The following LILRB2 variants were observed in gnomAD, a reference collection of about 807,000 sequenced individuals.
LILRB2 encodes the protein leukocyte immunoglobulin like receptor B2.
In LILRB2, 47 loss-of-function variants were observed where a neutral mutation model predicts 72.7. The ratio of observed to expected loss-of-function variants is 0.65; its 90% CI spans 0.51 to 0.82. The LOEUF is 0.82. LILRB2 is among the 40% of genes least tolerant of loss of function. The pLI is 0.00. For synonymous variants in LILRB2, 279 were observed against 313.7 expected (o/e 0.89, Z 1.17); for missense variants, 767 against 764.8 (o/e 1.00, Z -0.03).
rs765403876 is a variant in LILRB2, at chr19:54,278,587, G to A, written c.956-25C>T. ...CCTGGAGAGAAGAAGGATGGGTGAG[G>A]GGCTGCCCCACCTTGCTCTGAGCTG... On this transcript the variant is annotated intron_variant, in intron 6 of 13. Transcript: ENST00000314446. The A allele has an allele frequency of 3.5e-5, 57 of 1,611,642 alleles. No homozygotes were observed. In the Admixed American group the frequency reaches 6.3e-4, roughly 18 times the overall value.
In LILRB2 at chr19:54,279,514, G is replaced by A. The variant is rs747009048; in HGVS notation, c.489C>T (p.His163=). 1.9e-6 allele frequency: 3 copies of A among 1,614,112 alleles called. No homozygotes were observed. Among genetic ancestry groups the A allele is most frequent in the Non-Finnish European group, 1.7e-6 (2 of 1,180,010 alleles). Residue 163 remains histidine (H), a synonymous_variant, in exon 5 of 14, where the codon CAC becomes CAT. Coordinates refer to ENST00000314446, the MANE Select transcript of LILRB2 (RefSeq NM_001080978.4). ...GGGGCTGGGAGTTCAGGCATTGTGG[G>A]TGTTCATCTTCTCCTTCCTTACACA... ...FILCKEGEDE[H]PQCLNSQPHA...
chr19:54,280,157 C>T (rs1174454210), intron 3 of LILRB2, 82 bp from the exon 4 acceptor site: 57 of 1,608,994 alleles, frequency 3.5e-5, no homozygotes, highest in Non-Finnish European at 4.6e-5. Flanking sequence ...CTCCAGATGC[C>T]CCCATCAGTC....
At position 54,279,894 on chromosome 19, in the gene LILRB2, G is replaced by A. The variant is rs772954757; in HGVS notation, c.252C>T (p.His84=). 2 of 1,614,150 alleles carry A rather than the reference G, an allele frequency of 1.2e-6. No individual in the cohort carries two copies. Among genetic ancestry groups the A allele is most frequent in the Non-Finnish European group, 1.7e-6 (2 of 1,180,016 alleles). ...RPELVKNGQF[H]IPSITWEHTG... ...TGTGTTCCCAGGTGATGGATGGGAT[G>A]TGGAACTGGCCGTTCTTCACAAGCT... The change falls in exon 4 of 14, where the codon CAC becomes CAT. Residue 84 remains histidine (H), a synonymous_variant. Transcript: ENST00000314446.
chr19:54,278,139 T>A, intron 7 of LILRB2, 121 bp downstream of exon 7: 1 of 1,369,048 alleles, frequency 7.3e-7, no homozygotes, highest in South Asian at 1.4e-5. Flanking sequence ...TGAGGGTGAG[T>A]CTCCCACTGG....
intron 10 of LILRB2, 140 bp downstream of exon 10, chr19:54,276,667 T>C: frequency 6.7e-7 from 1 of 1,490,368 alleles, no homozygotes. Context: ...GGACTGACGT[T>C]AAGTGCTTTC....
Position 54,279,417 on chromosome 19 carries a change from A to T in LILRB2, c.586T>A (p.Cys196Ser), listed in dbSNP as rs199599364. 287 of 1,613,792 alleles carry T rather than the reference A, an allele frequency of 1.8e-4. No individual in the cohort carries two copies. Among genetic ancestry groups the T allele is most frequent in the Non-Finnish European group, 2.4e-4 (279 of 1,179,974 alleles). The change falls in exon 5 of 14, where the codon TGC becomes AGC. Residue 196 changes from cysteine to serine, a missense_variant. Coordinates refer to ENST00000314446, the MANE Select transcript of LILRB2 (RefSeq NM_001080978.4). Reference protein sequence around the residue: ...VSPNRRWSHRCYGYDLNSPYV... With the variant: ...VSPNRRWSHRSYGYDLNSPYV... ...GGAGAGTTCAAGTCATAACCATAGCACCTGTGCGACCACCTGCGATTCGGG... is the reference window on the plus strand; with the variant it reads ...GGAGAGTTCAAGTCATAACCATAGCTCCTGTGCGACCACCTGCGATTCGGG...
chr19:54,278,145 A>G, intron 7 of LILRB2, 115 bp downstream of exon 7: 1 of 1,417,358 alleles, frequency 7.1e-7, no homozygotes, highest in Non-Finnish European at 9.6e-7. Context: ...TGAGTCTCCC[A>G]CTGGCTGAGC....
chr19:54,277,109 C>T (rs1201012728), intron 9 of LILRB2, 180 bp from the exon 10 acceptor site: 2 of 1,498,962 alleles, frequency 1.3e-6, no homozygotes, highest in Non-Finnish European at 1.8e-6. Context: ...GGGGAATCGC[C>T]TGCCCCGGGC....
At chr19:54,275,354 T>C (rs372175011) in intron 13 of LILRB2, 6,645 of 521,880 alleles carry the variant, frequency 0.013, 184 homozygotes, top group South Asian at 0.058. Context: ...GCTCGTCCAT[T>C]AGAGGATCGT....
Position 54,279,452 on chromosome 19 carries a change from C to T in LILRB2, c.551G>A (p.Gly184Asp), listed in dbSNP as rs749026160. Residue 184 changes from glycine to aspartate, a missense_variant, in exon 5 of 14, where the codon GGC becomes GAC. Gly to Asp is a moderately conservative substitution (Grantham distance 94, BLOSUM62 -1). This residue lies in a region of LILRB2 where 599 missense variants were observed against 568.2 expected (regional missense o/e 1.05). Transcript: ENST00000314446. Reference sequence around the variant, plus strand: ...CCACCTGCGATTCGGGCTCACGGGGCCCACGGAGAAGATGGCGCGGGACGA... The same window carrying T: ...CCACCTGCGATTCGGGCTCACGGGGTCCACGGAGAAGATGGCGCGGGACGA... ...RGSSRAIFSV[G>D]PVSPNRRWSH... The T allele has an allele frequency of 1.2e-6, 2 of 1,614,188 alleles. No homozygotes were observed. The highest frequency in any genetic ancestry group is 2.2e-5 in the South Asian group (2 of 91,084).
chr19:54,276,773 G>A (rs374601999), intron 10 of LILRB2, 34 bp downstream of exon 10: 13 of 1,603,540 alleles, frequency 8.1e-6, no homozygotes, highest in African/African-American at 2.7e-5. Flanking sequence ...GCCCACCCTC[G>A]GTCGGCCCAC....
rs1569111742 is a variant in LILRB2, at chr19:54,280,311, T to C, written c.35-12A>G. The C allele has an allele frequency of 4.3e-6, 7 of 1,613,954 alleles. No individual in the cohort carries two copies. Among genetic ancestry groups the C allele is most frequent in the Admixed American group, 3.3e-5 (2 of 60,020 alleles). ...GCCCAGACTCAGCCCTGGAAGAGAG[T>C]TCCCTGTGAGGGATTTGCCCCCTGA... On this transcript the variant is annotated splice_polypyrimidine_tract_variant and intron_variant, in intron 2 of 13. Coordinates refer to ENST00000314446, the MANE Select transcript of LILRB2 (RefSeq NM_001080978.4).
chr19:54,275,664 C>A, intron 13 of LILRB2: 3 of 576,098 alleles, frequency 5.2e-6, no homozygotes, highest in Admixed American at 4.4e-5. Context: ...GCCCAGGGGA[C>A]CGGGGTGGTT....
chr19:54,281,030 A>G lies in LILRB2; in HGVS notation c.-118T>C. 3.3e-6 allele frequency: 2 copies of G among 599,892 alleles called. No homozygotes were observed. Among genetic ancestry groups the G allele is most frequent in the Non-Finnish European group, 5.6e-6 (2 of 355,660 alleles). 37.2% of individuals were successfully genotyped at this position (599,892 alleles called of 1,614,324 possible). The stretch of plus-strand genomic sequence containing the variant: ...CCAGGTCCATGCTGCAGGCAGACTC[A>G]GATCAGCAGAGAAGCATCTCGCCTC... On this transcript the variant is annotated 5_prime_UTR_variant, in exon 1 of 14. Coordinates refer to ENST00000314446, the MANE Select transcript of LILRB2 (RefSeq NM_001080978.4).
intron 9 of LILRB2, 149 bp downstream of exon 9, chr19:54,277,401 C>T: frequency 7.6e-7 from 1 of 1,318,892 alleles, no homozygotes; most frequent in Non-Finnish European, 1.0e-6. Flanking sequence ...ACCTGCAGGC[C>T]TCTCTCCTTT....
In LILRB2 at chr19:54,279,655, A is replaced by G. The variant is rs756066696; in HGVS notation, c.356-8T>C. Reference sequence around the variant, plus strand: ...TGGGTTTTGGGTAGGCTCCTAGGAGAGAAGGAGGCATCGTGTTAAATGGGG... The same window carrying G: ...TGGGTTTTGGGTAGGCTCCTAGGAGGGAAGGAGGCATCGTGTTAAATGGGG... On this transcript the variant is annotated splice_region_variant and splice_polypyrimidine_tract_variant and intron_variant, in intron 4 of 13. Transcript: ENST00000314446. 8.7e-5 allele frequency: 140 copies of G among 1,602,228 alleles called. No individual in the cohort carries two copies. The highest frequency in any genetic ancestry group is 1.2e-4 in the Non-Finnish European group (136 of 1,171,326).
chr19:54,276,067 A>G (rs1601097363), intron 12 of LILRB2, 64 bp from the exon 13 acceptor site: 1 of 1,597,326 alleles, frequency 6.3e-7, no homozygotes, highest in Middle Eastern at 1.7e-4. Flanking sequence ...GAGTCCTGCC[A>G]GCCCCTGCCC....
chr19:54,277,336 G>A (rs1355195474), intron 9 of LILRB2: 5 of 1,215,170 alleles, frequency 4.1e-6, no homozygotes, highest in East Asian at 2.6e-5. Context: ...TTCCCTGAGG[G>A]GCCTCCTCTC....
chr19:54,277,001 T>C, intron 9 of LILRB2, 72 bp from the exon 10 acceptor site: 1 of 1,539,996 alleles, frequency 6.5e-7, no homozygotes, highest in Non-Finnish European at 8.8e-7. Flanking sequence ...AGGTGACTGC[T>C]GGACCTTCTG....
Sources: gnomAD v4.1 joint callset for allele counts on GRCh38, gnomAD v4.1.1 for gene constraint, gnomAD v4.1.1 regional missense constraint, MANE v1.5 for transcripts, NCBI Gene and HGNC (gene_info 2026-07-23, HGNC 2026-07-21) for gene names.